Variants in WNT16 observed in about 807,000 individuals in gnomAD.
The protein encoded by WNT16 is Wnt family member 16.
WNT16 carries 20 observed loss-of-function variants against 35.4 expected under a neutral mutation model. That is an observed-to-expected ratio of 0.56 (90% CI 0.40 to 0.82). The LOEUF is 0.82. Ranked by LOEUF, WNT16 falls within the 40% of genes least tolerant of loss-of-function variation. The pLI is 0.00. For synonymous variants in WNT16, 180 were observed against 179.2 expected (o/e 1.00, Z -0.03); for missense variants, 461 against 466.0 (o/e 0.99, Z 0.10).
chr7:121,339,706 T>C lies in WNT16; in HGVS notation c.*361T>C, dbSNP rs906051395. 1.5e-4 allele frequency: 63 copies of C among 409,294 alleles called. No homozygotes were observed. The highest frequency in any genetic ancestry group is 6.9e-5 in the Non-Finnish European group (16 of 230,274). The allele number at this position is 409,294 out of a possible 1,614,324, so 25.4% of individuals were successfully genotyped here. On this transcript the variant is annotated 3_prime_UTR_variant, in exon 4 of 4. Transcript: ENST00000222462. ...AGGATAAGATCCTTGAATATGGAACTTAGTTACAGGACTCAATAATGGTGG... is the reference window on the plus strand; with the variant it reads ...AGGATAAGATCCTTGAATATGGAACCTAGTTACAGGACTCAATAATGGTGG...
chr7:121,340,766 T>A lies in WNT16; in HGVS notation c.*1421T>A, dbSNP rs775669626. On this transcript the variant is annotated 3_prime_UTR_variant, in exon 4 of 4. Transcript: ENST00000222462. ...AAGTGGTCTTTCTTGTTTTTAATAT[T>A]CATGCATGTATATTCATCATATTTT... 3 of 152,464 alleles carry A rather than the reference T, an allele frequency of 2.0e-5. No homozygotes were observed. Among genetic ancestry groups the A allele is most frequent in the Non-Finnish European group, 4.4e-5 (3 of 67,960 alleles). 9.4% of individuals were successfully genotyped at this position (152,464 alleles called of 1,614,324 possible). A position where few individuals can be genotyped will look rare whatever the true frequency, so the allele number is the denominator to read the frequency against.
Position 121,339,518 on chromosome 7 carries a change from A to G in WNT16, c.*173A>G. ...TCGACATATTTTCCTTTATCTGATC[A>G]ACCCATCAATCATGTGGATTTCTTG... On this transcript the variant is annotated 3_prime_UTR_variant, in exon 4 of 4. Coordinates refer to ENST00000222462, the MANE Select transcript of WNT16 (RefSeq NM_057168.2). The G allele has an allele frequency of 1.7e-6, 1 of 587,674 alleles. No homozygotes were observed. The highest frequency in any genetic ancestry group is 3.0e-5 in the Admixed American group (1 of 33,236). 36.4% of individuals were successfully genotyped at this position (587,674 alleles called of 1,614,324 possible). A position where few individuals can be genotyped will look rare whatever the true frequency, so the allele number is the denominator to read the frequency against.
At position 121,339,243 on chromosome 7, in the gene WNT16, T is replaced by C. The variant is rs1793491023; in HGVS notation, c.996T>C (p.His332=). 1.2e-6 allele frequency: 2 copies of C among 1,614,148 alleles called. No homozygotes were observed. The highest frequency in any genetic ancestry group is 1.7e-5 in the Admixed American group (1 of 59,996). ...GCTGTGGCCGAGGTTACAACACCCA[T>C]GTGGTCAGGCACGTGGAGAGGTGTG... is the stretch of plus-strand genomic sequence containing the variant. The part of the protein sequence containing the change: ...LLCCGRGYNT[H]VVRHVERCEC... The change falls in exon 4 of 4, where the codon CAT becomes CAC. Residue 332 remains histidine (H), a synonymous_variant. Coordinates refer to ENST00000222462, the MANE Select transcript of WNT16 (RefSeq NM_057168.2).
At chr7:121,332,535 C>G (rs1793367683) in intron 3 of WNT16, among the ~76,000 whole-genome samples, 1 of 152,078 alleles carries the variant, frequency 6.6e-6, no homozygotes, top group African/African-American at 2.4e-5. Context: ...TTTCATTTCC[C>G]CCAATTTGAA....
chr7:121,339,210 C>A lies in WNT16; in HGVS notation c.963C>A (p.Asn321Lys), dbSNP rs1263350808. 2 of 1,614,076 alleles carry A rather than the reference C, an allele frequency of 1.2e-6. No individual in the cohort carries two copies. The highest frequency in any genetic ancestry group is 1.7e-6 in the Non-Finnish European group (2 of 1,180,028). Residue 321 changes from asparagine to lysine, a missense_variant, in exon 4 of 4, where the codon AAC becomes AAA. Asn to Lys is a moderately conservative substitution (Grantham distance 94). Coordinates refer to ENST00000222462, the MANE Select transcript of WNT16 (RefSeq NM_057168.2). Reference protein sequence around the residue: ...NRTSEGADGCNLLCCGRGYNT... With the variant: ...NRTSEGADGCKLLCCGRGYNT... ...CATCAGAGGGTGCAGATGGCTGCAACCTCCTCTGCTGTGGCCGAGGTTACA... is the reference window on the plus strand; with the variant it reads ...CATCAGAGGGTGCAGATGGCTGCAAACTCCTCTGCTGTGGCCGAGGTTACA...
At position 121,339,537 on chromosome 7, in the gene WNT16, T is replaced by C. The variant is rs896937711; in HGVS notation, c.*192T>C. 1 of 546,674 alleles carries C rather than the reference T, an allele frequency of 1.8e-6. No individual in the cohort carries two copies. The highest frequency in any genetic ancestry group is 1.9e-5 in the African/African-American group (1 of 53,540). The allele number at this position is 546,674 out of a possible 1,614,324, so 33.9% of individuals were successfully genotyped here. On this transcript the variant is annotated 3_prime_UTR_variant, in exon 4 of 4. Transcript: ENST00000222462. Reference sequence around the variant, plus strand: ...CTGATCAACCCATCAATCATGTGGATTTCTTGGGATTCTAATGTTGAAAAG... The same window carrying C: ...CTGATCAACCCATCAATCATGTGGACTTCTTGGGATTCTAATGTTGAAAAG...
intron 3 of WNT16, among the ~76,000 whole-genome samples, chr7:121,334,110 T>C (rs752188994): frequency 9.2e-5 from 14 of 152,090 alleles, no homozygotes; most frequent in Non-Finnish European, 1.8e-4. Context: ...TTTTCTAACA[T>C]TACCTAGGTT....
Position 121,339,133 on chromosome 7 carries a change from G to C in WNT16, c.886G>C (p.Glu296Gln). Residue 296 changes from glutamate (E) to glutamine (Q), a missense_variant, in exon 4 of 4, where the codon GAA becomes CAA. By Grantham distance (29) the Glu-to-Gln change is conservative. Transcript: ENST00000222462. ...YVNKSPNYCV[E>Q]DKKLGIPGTQ... The stretch of plus-strand genomic sequence containing the variant: ...TAATAAGTCTCCCAACTACTGTGTA[G>C]AAGATAAGAAACTGGGAATCCCAGG... 1 of 1,614,212 alleles carries C rather than the reference G, an allele frequency of 6.2e-7. No individual in the cohort carries two copies. The highest frequency in any genetic ancestry group is 8.5e-7 in the Non-Finnish European group (1 of 1,180,030).
chr7:121,329,848 G>T, intron 2 of WNT16, 31 bp downstream of exon 2: 1 of 1,590,366 alleles, frequency 6.3e-7, no homozygotes, highest in Non-Finnish European at 8.5e-7. Flanking sequence ...GGTTGGTGGG[G>T]GACGGAAGGC....
At chr7:121,335,447 A>C (rs1793427208) in intron 3 of WNT16, among the ~76,000 whole-genome samples, 1 of 152,076 alleles carries the variant, frequency 6.6e-6, no homozygotes, top group Non-Finnish European at 1.5e-5. Flanking sequence ...AAAATATTCC[A>C]CCAAAATGTG....
chr7:121,325,544 G>T, upstream of WNT16: 1 of 1,508,008 alleles, frequency 6.6e-7, no homozygotes, highest in Admixed American at 1.8e-5. Context: ...AGAGATCTGT[G>T]AATTGTGACG....
intron 2 of WNT16, among the ~76,000 whole-genome samples, chr7:121,330,484 G>A (rs958653447): frequency 2.6e-5 from 4 of 152,200 alleles, no homozygotes; most frequent in African/African-American, 7.2e-5. Flanking sequence ...ACTTGGTAAG[G>A]ATAAAGGTAC....
chr7:121,329,440 A>C, intron 1 of WNT16, 53 bp downstream of exon 1: 1 of 1,592,264 alleles, frequency 6.3e-7, no homozygotes, highest in Admixed American at 1.7e-5. Context: ...AGGGGTGCCC[A>C]ATCCTAGGGA....
chr7:121,329,113 C>G lies in WNT16; in HGVS notation c.-180C>G. On this transcript the variant is annotated 5_prime_UTR_variant, in exon 1 of 4. Transcript: ENST00000222462. ...CTCTCTCCATCTCTCCTACAGCTCC[C>G]TGCAAACGAGGGGGAAGCTGCTGAG... 1 of 1,378,054 alleles carries G rather than the reference C, an allele frequency of 7.3e-7. No individual in the cohort carries two copies. Among genetic ancestry groups the G allele is most frequent in the Non-Finnish European group, 9.4e-7 (1 of 1,068,072 alleles). 85.4% of individuals were successfully genotyped at this position (1,378,054 alleles called of 1,614,324 possible). A position where few individuals can be genotyped will look rare whatever the true frequency, so the allele number is the denominator to read the frequency against.
Position 121,340,690 on chromosome 7 carries a change from T to G in WNT16, c.*1345T>G, listed in dbSNP as rs1793518632. On this transcript the variant is annotated 3_prime_UTR_variant, in exon 4 of 4. Transcript: ENST00000222462. Reference sequence around the variant, plus strand: ...TAGTGATCAATTTGTGGATTTGATATCCTGGATATTTATTATATTTTATGT... The same window carrying G: ...TAGTGATCAATTTGTGGATTTGATAGCCTGGATATTTATTATATTTTATGT... 6.6e-6 allele frequency: 1 copy of G among 152,408 alleles called. No individual in the cohort carries two copies. The highest frequency in any genetic ancestry group is 2.4e-5 in the African/African-American group (1 of 41,438). The allele number at this position is 152,408 out of a possible 1,614,324, so 9.4% of individuals were successfully genotyped here.
Position 121,339,339 on chromosome 7 carries a change from C to G in WNT16, c.1092C>G (p.Cys364Trp), listed in dbSNP as rs1201682280. 2 of 1,610,542 alleles carry G rather than the reference C, an allele frequency of 1.2e-6. No homozygotes were observed. Among genetic ancestry groups the G allele is most frequent in the East Asian group, 2.2e-5 (1 of 44,850 alleles). ...AAAGCATGACTGATGTCCACACTTG[C>G]AAGTAACCACTCCATCCAGCCTTGG... ...RCESMTDVHT[C>W]K is the part of the protein sequence containing the mutation. Residue 364 changes from cysteine to tryptophan, a missense_variant, in exon 4 of 4, where the codon TGC (cysteine) becomes TGG (tryptophan). Transcript: ENST00000222462.
upstream of WNT16, among the ~76,000 whole-genome samples, chr7:121,326,771 C>T (rs1793252470): frequency 6.6e-6 from 1 of 152,170 alleles, no homozygotes; most frequent in Admixed American, 6.5e-5. Context: ...ATAACAGAGA[C>T]TCAATATATG....
upstream of WNT16, among the ~76,000 whole-genome samples, chr7:121,328,399 A>T (rs908364563): frequency 5.3e-5 from 8 of 152,212 alleles, no homozygotes; most frequent in Admixed American, 1.3e-4. Flanking sequence ...ACAGAGCACG[A>T]TTGAAATATG....
upstream of WNT16, chr7:121,328,903 G>A (rs1793286028): frequency 4.5e-6 from 2 of 442,172 alleles, no homozygotes; most frequent in Non-Finnish European, 6.2e-6. Flanking sequence ...CCGAGATGAT[G>A]AGATGCGGGG....
Sources: gnomAD v4.1 joint callset for allele counts (sites outside exome capture counted in the v4.1 genomes callset) on GRCh38, gnomAD v4.1.1 for gene constraint, MANE v1.5 for transcripts, NCBI Gene and HGNC (gene_info 2026-07-23, HGNC 2026-07-21) for gene names.